The following SEPTIN2 variants were observed in gnomAD, a reference collection of about 807,000 sequenced individuals.
SEPTIN2 encodes septin-2.
In SEPTIN2, 34 loss-of-function variants were observed where a neutral mutation model predicts 46.5. That is an observed-to-expected ratio of 0.73 (90% CI 0.56 to 0.97). The LOEUF (loss-of-function observed/expected upper bound fraction) is 0.97. Ranked by LOEUF, SEPTIN2 falls within the 50% of genes least tolerant of loss-of-function variation. The pLI, the probability that SEPTIN2 is intolerant of heterozygous loss-of-function variation, is 0.00. For missense variants in SEPTIN2, 347 were observed against 448.4 expected (o/e 0.77, Z 2.04); for synonymous variants, 175 against 153.4 (o/e 1.14, Z -1.04).
intron 9 of SEPTIN2, among the ~76,000 whole-genome samples, chr2:241,345,096 A>G (rs1037797823): frequency 2.0e-5 from 3 of 152,016 alleles, no homozygotes; most frequent in Non-Finnish European, 1.5e-5. Flanking sequence ...CTGGGCAACA[A>G]GAGCAAGACT....
intron 9 of SEPTIN2, among the ~76,000 whole-genome samples, chr2:241,345,643 A>G (rs1575379226): frequency 6.6e-6 from 1 of 152,222 alleles, no homozygotes; most frequent in East Asian, 1.9e-4. Flanking sequence ...ATGGAAGGTT[A>G]AGTTGCTGAC....
chr2:241,337,845 A>C (rs2080293780), intron 7 of SEPTIN2, 55 bp downstream of exon 7: 1 of 1,251,808 alleles, frequency 8.0e-7, no homozygotes, highest in Non-Finnish European at 1.2e-6. Flanking sequence ...GGGCATGGGG[A>C]TGAAGAAAGG....
At chr2:241,323,916 T>A (rs1012841782) in intron 1 of SEPTIN2, among the ~76,000 whole-genome samples, 1 of 152,242 alleles carries the variant, frequency 6.6e-6, no homozygotes, top group Non-Finnish European at 1.5e-5. Flanking sequence ...TAAGGATCTC[T>A]CATCTCCCAG....
intron 1 of SEPTIN2, among the ~76,000 whole-genome samples, chr2:241,319,874 G>A (rs1025590777): frequency 3.9e-5 from 6 of 152,186 alleles, no homozygotes; most frequent in African/African-American, 9.7e-5. Flanking sequence ...TATTACAGGC[G>A]TGAGCCACCA....
At chr2:241,341,405 T>C (rs574947472) in intron 7 of SEPTIN2, among the ~76,000 whole-genome samples, 2 of 152,182 alleles carry the variant, frequency 1.3e-5, no homozygotes, top group African/African-American at 4.8e-5. Flanking sequence ...ACTAACTGTT[T>C]CCGAACTCTT....
At chr2:241,320,783 C>G (rs149584888) in intron 1 of SEPTIN2, among the ~76,000 whole-genome samples, 1 of 152,040 alleles carries the variant, frequency 6.6e-6, no homozygotes, top group South Asian at 2.1e-4. Context: ...GAGCAAAACT[C>G]CATCTCAAAA....
At chr2:241,337,890 G>T in intron 7 of SEPTIN2, 100 bp downstream of exon 7, 1 of 732,834 alleles carries the variant, frequency 1.4e-6, no homozygotes, top group Non-Finnish European at 2.2e-6. Context: ...TCAGGTGTCG[G>T]GAGGCAGGGC....
At chr2:241,338,034 A>G (rs1338202652) in intron 7 of SEPTIN2, among the ~76,000 whole-genome samples, 1 of 152,226 alleles carries the variant, frequency 6.6e-6, no homozygotes, top group Non-Finnish European at 1.5e-5. Flanking sequence ...GCCCTCGATG[A>G]GTAGCAGTTG....
intron 3 of SEPTIN2, among the ~76,000 whole-genome samples, chr2:241,329,946 A>G (rs948588743): frequency 6.6e-6 from 1 of 152,244 alleles, no homozygotes; most frequent in African/African-American, 2.4e-5. Context: ...GTGCGAGCTA[A>G]GAACATAAAG....
In SEPTIN2 at chr2:241,337,706, A is replaced by G. The variant is rs572131134; in HGVS notation, c.510A>G (p.Ala170=). 9 of 1,613,960 alleles carry G rather than the reference A, an allele frequency of 5.6e-6. No homozygotes were observed. Among genetic ancestry groups the G allele is most frequent in the African/African-American group, 1.3e-5 (1 of 74,914 alleles). Residue 170 remains alanine (A), a synonymous_variant, in exon 7 of 13, where the codon GCA becomes GCG. Transcript: ENST00000391971. ...LKPLDVAFMK[A]IHNKVNIVPV... is the part of the protein sequence containing the mutation. Reference sequence around the variant, plus strand: ...CCTTAGATGTGGCGTTTATGAAGGCAATACACAACAAGGTGAATATTGTGC... The same window carrying G: ...CCTTAGATGTGGCGTTTATGAAGGCGATACACAACAAGGTGAATATTGTGC...
At chr2:241,338,129 A>G (rs1260192656) in intron 7 of SEPTIN2, among the ~76,000 whole-genome samples, 1 of 152,126 alleles carries the variant, frequency 6.6e-6, no homozygotes, top group African/African-American at 2.4e-5. Flanking sequence ...TTTTACCTAA[A>G]TTCTTTACTG....
At chr2:241,338,852 A>ATATATTATATTTATATTATT (rs2080731926) in intron 7 of SEPTIN2, among the ~76,000 whole-genome samples, 2 of 22,056 alleles carry the variant, frequency 9.1e-5, no homozygotes, top group South Asian at 9.6e-4. Context: ...AATATATAAT[A>ATATATTATATTTATATTATT]TATATAAAAA....
At chr2:241,343,497 CA>C (rs34209547) in intron 8 of SEPTIN2, among the ~76,000 whole-genome samples, 4,268 of 125,088 alleles carry the variant, frequency 0.034, 107 homozygotes, top group African/African-American at 0.086. Context: ...GACTCTGTCT[CA>C]AAAAAAAAAA....
chr2:241,339,219 C>T (rs1325218464), intron 7 of SEPTIN2, among the ~76,000 whole-genome samples: 2 of 150,996 alleles, frequency 1.3e-5, no homozygotes, highest in African/African-American at 4.9e-5. Flanking sequence ...CATGGCAAAA[C>T]TCCGTCTCTA....
In SEPTIN2 at chr2:241,316,594, G is replaced by A. The variant is rs765630489; in HGVS notation, c.-18+612G>A. ...GCAGGGGGTAGGGTATAGGGTTGGA[G>A]GCCGCCGAGTTGGCCCGGGGATGAG... On this transcript the variant is annotated intron_variant, in intron 1 of 12. Transcript: ENST00000391971. The A allele has an allele frequency of 3.8e-5, 53 of 1,412,656 alleles. 1 individual carries two copies. In the South Asian group the frequency reaches 7.3e-4, roughly 20 times the overall value. 87.5% of individuals were successfully genotyped at this position (1,412,656 alleles called of 1,614,324 possible). A position where few individuals can be genotyped will look rare whatever the true frequency, so the allele number is the denominator to read the frequency against.
chr2:241,346,316 G>A (rs1454576375), intron 10 of SEPTIN2, 67 bp downstream of exon 10: 2 of 1,268,440 alleles, frequency 1.6e-6, no homozygotes, highest in African/African-American at 2.9e-5. Flanking sequence ...CCTCCTCTAT[G>A]TGTTCAGCTC....
intron 1 of SEPTIN2, chr2:241,317,630 G>A: frequency 1.1e-6 from 1 of 897,612 alleles, no homozygotes; most frequent in Non-Finnish European, 1.3e-6. Context: ...TGTTCTGTTA[G>A]TAGTCATACA....
rs1481792705 is a variant in SEPTIN2 at position 241,352,705 on chromosome 2, C to T, written c.*768C>T. Reference sequence around the variant, plus strand: ...GTGTTCTCCACTAATACTGGTTATCCTGTGCTACAGAGAAAATCAAAGCAG... The same window carrying T: ...GTGTTCTCCACTAATACTGGTTATCTTGTGCTACAGAGAAAATCAAAGCAG... On this transcript the variant is annotated 3_prime_UTR_variant, in exon 13 of 13. Coordinates refer to ENST00000391971, the MANE Select transcript of SEPTIN2 (RefSeq NM_004404.5). 6.6e-6 allele frequency: 1 copy of T among 152,114 alleles called. No individual in the cohort carries two copies. Among genetic ancestry groups the T allele is most frequent in the South Asian group, 2.1e-4 (1 of 4,826 alleles). The allele number at this position is 152,114 out of a possible 1,614,324, so 9.4% of individuals were successfully genotyped here.
intron 2 of SEPTIN2, 108 bp downstream of exon 2, chr2:241,324,349 C>A: frequency 2.5e-5 from 20 of 804,834 alleles, no homozygotes; most frequent in Non-Finnish European, 3.9e-5. Flanking sequence ...ACAACTGATA[C>A]ATTTGATTCA....
Sources: gnomAD v4.1 joint callset for allele counts (sites outside exome capture counted in the v4.1 genomes callset) on GRCh38, gnomAD v4.1.1 for gene constraint, MANE v1.5 for transcripts, NCBI Gene and HGNC (gene_info 2026-07-23, HGNC 2026-07-21) for gene names.